The following DCHS2 variants were observed in gnomAD, a reference collection of about 807,000 sequenced individuals.
DCHS2 encodes dachsous cadherin-related 2.
A neutral mutation model predicts 182.4 loss-of-function variants in DCHS2; 142 were observed. The ratio of observed to expected loss-of-function variants is 0.78; its 90% CI spans 0.68 to 0.89. The LOEUF (loss-of-function observed/expected upper bound fraction) is 0.89. DCHS2 is among the 40% of genes least tolerant of loss of function. The probability of loss-of-function intolerance (pLI) is 0.00; values close to 1 mark genes in which losing one functional copy is unlikely to be tolerated. For missense variants in DCHS2, 4,319 were observed against 4,198.6 expected (o/e 1.03, Z -0.79); for synonymous variants, 1,740 against 1,663.3 (o/e 1.05, Z -1.12).
At position 154,236,974 on chromosome 4, in the gene DCHS2, C is replaced by T. The variant is rs1419665040; in HGVS notation, c.7678G>A (p.Glu2560Lys). 1.9e-6 allele frequency: 3 copies of T among 1,613,920 alleles called. No homozygotes were observed. Among genetic ancestry groups the T allele is most frequent in the East Asian group, 2.2e-5 (1 of 44,882 alleles). The change falls in exon 20 of 20, where the codon GAG (glutamate) becomes AAG (lysine). Residue 2560 changes from glutamate (E) to lysine (K), a missense_variant. Physicochemically the swap from Glu to Lys is moderately conservative, Grantham distance 56. Coordinates refer to ENST00000357232, the MANE Select transcript of DCHS2 (RefSeq NM_001358235.2). ...TVKSYNLSLS[E>K]DALVGSTLVT... is the part of the protein sequence containing the mutation. ...AGCGTGCTTCCAACCAGAGCATCCT[C>T]ACTTAGGCTAAGATTATAGGATTTG...
intron 1 of DCHS2, chr4:154,384,618 A>T: frequency 4.3e-6 from 6 of 1,382,782 alleles, no homozygotes; most frequent in Non-Finnish European, 5.8e-6. Context: ...TGAGAGGAGA[A>T]TCTTATCCTT....
At chr4:154,435,950 G>T (rs1397719488) in intron 1 of DCHS2, among the ~76,000 whole-genome samples, 1 of 152,152 alleles carries the variant, frequency 6.6e-6, no homozygotes, top group Non-Finnish European at 1.5e-5. Flanking sequence ...AAGTGTTGAA[G>T]GCATACAATA....
At chr4:154,267,365 A>G (rs1733328876) in intron 14 of DCHS2, among the ~76,000 whole-genome samples, 1 of 152,176 alleles carries the variant, frequency 6.6e-6, no homozygotes, top group Admixed American at 6.6e-5. Context: ...TTTTCATAGC[A>G]AGATGGCCAG....
At chr4:154,238,698 T>C (rs567302882) in intron 19 of DCHS2, among the ~76,000 whole-genome samples, 1 of 152,310 alleles carries the variant, frequency 6.6e-6, no homozygotes, top group South Asian at 2.1e-4. Flanking sequence ...ATAATTTTCC[T>C]TTTAAAATTA....
At chr4:154,246,571 TA>T (rs34410544) in intron 16 of DCHS2, among the ~76,000 whole-genome samples, 7 of 147,764 alleles carry the variant, frequency 4.7e-5, no homozygotes, top group African/African-American at 1.3e-4. Flanking sequence ...TATAGACAAA[TA>T]AAAAAAAGGA....
At chr4:154,466,272 GAA>G (rs1358913726) in intron 1 of DCHS2, among the ~76,000 whole-genome samples, 2 of 152,190 alleles carry the variant, frequency 1.3e-5, no homozygotes, top group Non-Finnish European at 2.9e-5. Context: ...GAGGCTGAGA[GAA>G]GACAGAAGAC....
intron 1 of DCHS2, among the ~76,000 whole-genome samples, chr4:154,411,016 A>G (rs968335391): frequency 6.6e-6 from 1 of 152,236 alleles, no homozygotes; most frequent in African/African-American, 2.4e-5. Flanking sequence ...GTCAGTCAAG[A>G]ATACTATACA....
intron 1 of DCHS2, among the ~76,000 whole-genome samples, chr4:154,380,188 T>A (rs1463427124): frequency 1.3e-5 from 2 of 152,164 alleles, no homozygotes; most frequent in African/African-American, 4.8e-5. Context: ...TGTCTATTTC[T>A]TAAACTGATG....
chr4:154,388,346 A>G (rs1169140492), intron 1 of DCHS2, among the ~76,000 whole-genome samples: 1 of 152,142 alleles, frequency 6.6e-6, no homozygotes. Flanking sequence ...AAAATTACAT[A>G]TAAAAATCCC....
intron 10 of DCHS2, among the ~76,000 whole-genome samples, chr4:154,312,225 G>A (rs1409607333): frequency 6.6e-6 from 1 of 152,206 alleles, no homozygotes; most frequent in African/African-American, 2.4e-5. Context: ...TGGGACTTCA[G>A]TATAATCGAG....
intron 13 of DCHS2, among the ~76,000 whole-genome samples, chr4:154,281,868 A>C (rs1406289942): frequency 6.6e-6 from 1 of 152,212 alleles, no homozygotes; most frequent in Admixed American, 6.5e-5. Context: ...GCCTAGAAAT[A>C]AACCCACATG....
intron 19 of DCHS2, 64 bp downstream of exon 19, chr4:154,239,106 T>C: frequency 6.4e-7 from 1 of 1,557,642 alleles, no homozygotes; most frequent in Non-Finnish European, 8.7e-7. Context: ...TTAGAAAGGG[T>C]TATTTCAGGT....
rs750074085 is a variant in DCHS2 at position 154,259,580 on chromosome 4, A to G, written c.6754T>C (p.Ser2252Pro). The G allele has an allele frequency of 1.2e-6, 2 of 1,613,976 alleles. No homozygotes were observed. The highest frequency in any genetic ancestry group is 1.7e-6 in the Non-Finnish European group (2 of 1,180,000). The part of the protein sequence containing the change: ...FEQSIYQASV[S>P]ESQLYNAHVI... ...TGAGCATTGTAGAGTTGGCTTTCAG[A>G]CACTGATGCCTGGTAAATGCTTTGT... The change falls in exon 15 of 20, where the codon TCT (serine) becomes CCT (proline). Residue 2252 changes from serine to proline, a missense_variant. By Grantham distance (74) the Ser-to-Pro change is moderately conservative. Coordinates refer to ENST00000357232, the MANE Select transcript of DCHS2 (RefSeq NM_001358235.2).
chr4:154,320,900 A>G lies in DCHS2; in HGVS notation c.4499T>C (p.Val1500Ala). The G allele has an allele frequency of 6.2e-7, 1 of 1,614,102 alleles. No individual in the cohort carries two copies. The highest frequency in any genetic ancestry group is 8.5e-7 in the Non-Finnish European group (1 of 1,180,018). Residue 1500 changes from valine to alanine, a missense_variant, in exon 9 of 20, where the codon GTG becomes GCG. By Grantham distance (64) the Val-to-Ala change is moderately conservative. Transcript: ENST00000357232. ...TGGGGAATGGTCATTCTGATCTTCC[A>G]CATCGATACTAAGGAAGACTGTGCT... ...LSSTVFLSID[V>A]EDQNDHSPSF...
chr4:154,270,563 T>A (rs542022589), intron 13 of DCHS2, among the ~76,000 whole-genome samples: 21 of 151,894 alleles, frequency 1.4e-4, no homozygotes, highest in Non-Finnish European at 2.8e-4. Flanking sequence ...TTATTGTAAG[T>A]GCAAAGGGAA....
chr4:154,237,563 GT>G (rs774617339), intron 19 of DCHS2: 7 of 158,224 alleles, frequency 4.4e-5, no homozygotes, highest in Admixed American at 4.4e-4. Context: ...GGAAATACTT[GT>G]TGATATTCAA....
Position 154,267,772 on chromosome 4 carries a change from A to T in DCHS2, c.6577+2128T>A, listed in dbSNP as rs192215839. On this transcript the variant is annotated intron_variant, in intron 14 of 19. Transcript: ENST00000357232. ...ATGGTTTCCTTTCTCCTTATTCAAC[A>T]TCTTCAGAAATGCGGCAGCACCTTC... Among the ~76,000 whole-genome samples, 55 of 152,288 alleles carry T rather than the reference A, an allele frequency of 3.6e-4. No individual in the cohort carries two copies. In the East Asian group the frequency reaches 4.4e-3, roughly 12 times the overall value.
intron 15 of DCHS2, 115 bp downstream of exon 15, chr4:154,259,430 T>TACAGGG: frequency 6.7e-7 from 1 of 1,497,994 alleles, no homozygotes; most frequent in Non-Finnish European, 8.9e-7. Context: ...AGTGTTGTAC[T>TACAGGG]ACAGGGATTA....
intron 1 of DCHS2, among the ~76,000 whole-genome samples, chr4:154,435,916 G>A (rs1036988253): frequency 6.6e-6 from 1 of 152,194 alleles, no homozygotes; most frequent in East Asian, 1.9e-4. Context: ...TGAAGGTCAA[G>A]GCAGAGTGGA....
Sources: allele counts gnomAD v4.1 joint callset (sites outside exome capture counted in the v4.1 genomes callset), GRCh38; gene constraint gnomAD v4.1.1; transcripts MANE v1.5; gene names NCBI Gene and HGNC (gene_info 2026-07-23, HGNC 2026-07-21).